Variants in LMF1 observed in about 807,000 individuals in gnomAD.
LMF1 encodes lipase maturation factor 1, also known as transmembrane protein 112.
Under a neutral mutation model 60.6 loss-of-function variants are expected in LMF1, and 68 were observed. The ratio of observed to expected loss-of-function variants is 1.12; its 90% CI spans 0.92 to 1.37. The LOEUF is 1.37. Among genes scored for constraint, LMF1 ranks in the 40% most tolerant of loss-of-function variants. LMF1 has a pLI of 0.00. For synonymous variants in LMF1, 418 were observed against 324.7 expected (o/e 1.29, Z -3.09); for missense variants, 948 against 767.2 (o/e 1.24, Z -2.78).
chr16:970,703 C>G, intron 1 of LMF1, 85 bp downstream of exon 1: 3 of 1,277,812 alleles, frequency 2.3e-6, no homozygotes, highest in South Asian at 2.9e-5. Context: ...GCCGCGAGAC[C>G]GCGCGGAGGA....
chr16:919,564 CT>C (rs1231577041), intron 3 of LMF1, among the ~76,000 whole-genome samples: 6 of 152,238 alleles, frequency 3.9e-5, no homozygotes, highest in Admixed American at 2.6e-4. Flanking sequence ...CACAGACCCG[CT>C]CTGGACAGTG....
intron 10 of LMF1, among the ~76,000 whole-genome samples, chr16:865,535 C>T (rs144332902): frequency 2.1e-3 from 319 of 152,114 alleles, no homozygotes; most frequent in Middle Eastern, 6.8e-3. Flanking sequence ...TTTGTAGAGA[C>T]GAGACTTCAC....
At chr16:863,222 G>C (rs2151690746) in intron 10 of LMF1, among the ~76,000 whole-genome samples, 1 of 152,338 alleles carries the variant, frequency 6.6e-6, no homozygotes, top group Non-Finnish European at 1.5e-5. Flanking sequence ...CTGGAGTGCA[G>C]TGCTGCAGTC....
chr16:879,647 C>G lies in LMF1; in HGVS notation c.820G>C (p.Glu274Gln), dbSNP rs531415593. ...RFETLSNHFIELLVPFFLFLG... is the reference protein window; with the variant it reads ...RFETLSNHFIQLLVPFFLFLG... Reference sequence around the variant, plus strand: ...AAGAGGAAGAAGGGCACCAGGAGCTCGATGAAGTGGTTGCTGAGCGTCTCG... The same window carrying G: ...AAGAGGAAGAAGGGCACCAGGAGCTGGATGAAGTGGTTGCTGAGCGTCTCG... Residue 274 changes from glutamate (E) to glutamine (Q), a missense_variant, in exon 6 of 11, where the codon GAG becomes CAG. Physicochemically the swap from Glu to Gln is conservative, Grantham distance 29. Coordinates refer to ENST00000262301, the MANE Select transcript of LMF1 (RefSeq NM_022773.4). The G allele has an allele frequency of 1.2e-6, 2 of 1,612,986 alleles. No individual in the cohort carries two copies. The highest frequency in any genetic ancestry group is 2.2e-5 in the East Asian group (1 of 44,856).
chr16:972,490 C>T (rs1174403870), upstream of LMF1, among the ~76,000 whole-genome samples: 3 of 152,180 alleles, frequency 2.0e-5, no homozygotes, highest in South Asian at 6.2e-4. Flanking sequence ...TGGGGGCCAG[C>T]TTAGGAAGGG....
At chr16:872,121 C>G (rs1480210210) in intron 6 of LMF1, 1 of 152,242 alleles carries the variant, frequency 6.6e-6, no homozygotes, top group African/African-American at 2.4e-5. Flanking sequence ...AGACCTCACC[C>G]CTGCCGTTGC....
At chr16:952,315 C>CG (rs879654728) in intron 2 of LMF1, among the ~76,000 whole-genome samples, 13 of 151,196 alleles carry the variant, frequency 8.6e-5, no homozygotes, top group African/African-American at 2.4e-4. Context: ...GGGACCCCCC[C>CG]CCACAGGTGC....
rs765586986 is a variant in LMF1 at position 868,938 on chromosome 16, T to C, written c.1529+6A>G. ...CCCCTGAGCAGCGGCAGGGAGGGCA[T>C]CCTACCTGGGCGGGGGCCTGCCCGC... On this transcript the variant is annotated splice_donor_region_variant and intron_variant, in intron 10 of 10. Transcript: ENST00000262301. The C allele has an allele frequency of 4.8e-5, 76 of 1,584,730 alleles. No homozygotes were observed. The highest frequency in any genetic ancestry group is 3.8e-4 in the Middle Eastern group (2 of 5,240).
In LMF1 at chr16:878,107, G is replaced by T. The variant is rs569788609; in HGVS notation, c.897+1463C>A. On this transcript the variant is annotated intron_variant, in intron 6 of 10. Coordinates refer to ENST00000262301, the MANE Select transcript of LMF1 (RefSeq NM_022773.4). This position sits in a 1 kb window ranked among gnomAD's most constrained non-coding sequence, Gnocchi z 5.2. ...AGACGCGCGTGGGGTCCAGCCACATGGAATCCACTGAAGCTATTCCAGGAG... is the reference window on the plus strand; with the variant it reads ...AGACGCGCGTGGGGTCCAGCCACATTGAATCCACTGAAGCTATTCCAGGAG... Among the ~76,000 whole-genome samples the T allele has an allele frequency of 3.2e-4, 48 of 150,730 alleles. No homozygotes were observed. Among genetic ancestry groups the T allele is most frequent in the Non-Finnish European group, 6.1e-4 (41 of 67,696 alleles).
chr16:916,958 GCT>G (rs1394197211), intron 3 of LMF1, among the ~76,000 whole-genome samples: 2 of 152,196 alleles, frequency 1.3e-5, no homozygotes, highest in African/African-American at 4.8e-5. Context: ...TGAATATTGA[GCT>G]CCGGGTCTGT....
chr16:891,943 G>A (rs758192085), intron 5 of LMF1, among the ~76,000 whole-genome samples: 1 of 152,252 alleles, frequency 6.6e-6, no homozygotes, highest in African/African-American at 2.4e-5. Context: ...AGCTGAACCT[G>A]CTCTCGGACA....
chr16:923,882 T>C (rs2071515933), intron 3 of LMF1, among the ~76,000 whole-genome samples: 1 of 152,202 alleles, frequency 6.6e-6, no homozygotes, highest in African/African-American at 2.4e-5. Flanking sequence ...ATGTGTTTGA[T>C]TCTGTAAAAA....
At chr16:948,527 C>A (rs1567296185) in intron 2 of LMF1, among the ~76,000 whole-genome samples, 1 of 150,732 alleles carries the variant, frequency 6.6e-6, no homozygotes, top group African/African-American at 2.5e-5. Flanking sequence ...GAGCCAACGA[C>A]AGAGTCAGCC....
intron 3 of LMF1, among the ~76,000 whole-genome samples, chr16:914,517 C>T (rs1736494): frequency 4.6e-5 from 7 of 150,734 alleles, no homozygotes; most frequent in East Asian, 2.0e-4. Context: ...CTTCCATGAC[C>T]ATTGGTGACA....
chr16:854,597 G>A lies in LMF1; in HGVS notation c.1639C>T (p.Leu547Phe), dbSNP rs1182814476. ...RKRIGAYFPPLSLEELRPYFR... is the reference protein window; with the variant it reads ...RKRIGAYFPPFSLEELRPYFR... Reference sequence around the variant, plus strand: ...TAGGGCCTCAGCTCCTCCAGGCTGAGCGGAGGGAAGTAGGCTCCGATCCTC... The same window carrying A: ...TAGGGCCTCAGCTCCTCCAGGCTGAACGGAGGGAAGTAGGCTCCGATCCTC... The change falls in exon 11 of 11, where the codon CTC (leucine) becomes TTC (phenylalanine). Residue 547 changes from leucine (L) to phenylalanine (F), a missense_variant. Transcript: ENST00000262301. 4.4e-6 allele frequency: 7 copies of A among 1,606,968 alleles called. No individual in the cohort carries two copies.
intron 3 of LMF1, among the ~76,000 whole-genome samples, chr16:923,087 G>A (rs12918768): frequency 2.8e-5 from 4 of 142,000 alleles, no homozygotes; most frequent in Non-Finnish European, 4.8e-5. Context: ...GTGTTGTTGC[G>A]AAGGCCCTGT....
chr16:976,719 C>T (rs747089208), intron 1 of LMF1: 17 of 454,028 alleles, frequency 3.7e-5, no homozygotes, highest in South Asian at 1.1e-4. Context: ...CCTGGAGTGA[C>T]GGACGCTGAG....
Position 854,314 on chromosome 16 carries a change from G to T in LMF1, c.*218C>A, listed in dbSNP as rs766437581. On this transcript the variant is annotated 3_prime_UTR_variant, in exon 11 of 11. Transcript: ENST00000262301. ...AGAGCCCCTGGCGCCTGGGACAAGG[G>T]TTGGCCTGGATGTGGGGCCCCAGGT... 1.4e-6 allele frequency: 1 copy of T among 694,154 alleles called. No homozygotes were observed. Among genetic ancestry groups the T allele is most frequent in the South Asian group, 1.5e-5 (1 of 66,608 alleles). 43.0% of individuals were successfully genotyped at this position (694,154 alleles called of 1,614,324 possible). A position where few individuals can be genotyped will look rare whatever the true frequency, so the allele number is the denominator to read the frequency against.
chr16:945,618 G>C (rs575273021), intron 2 of LMF1, among the ~76,000 whole-genome samples: 1 of 152,202 alleles, frequency 6.6e-6, no homozygotes, highest in South Asian at 2.1e-4. Flanking sequence ...AAGAGATTTA[G>C]GTTAAGAACG....
Sources: allele counts gnomAD v4.1 joint callset (sites outside exome capture counted in the v4.1 genomes callset), GRCh38; gene constraint gnomAD v4.1.1; non-coding constraint Gnocchi (gnomAD v3.1); transcripts MANE v1.5; gene names NCBI Gene and HGNC (gene_info 2026-07-23, HGNC 2026-07-21).